RBFOX1: variants seen among roughly 807,000 people sequenced by gnomAD.
RBFOX1 encodes the protein RNA binding fox-1 homolog 1.
RBFOX1 carries 8 observed loss-of-function variants against 57.7 expected under a neutral mutation model. The observed-to-expected ratio is 0.14, with a 90% CI of 0.08 to 0.25. RBFOX1 has a LOEUF of 0.25. Among genes scored for constraint, RBFOX1 ranks in the 10% least tolerant of loss-of-function variants. The pLI is 1.00. For synonymous variants in RBFOX1, 326 were observed against 222.4 expected, an observed-to-expected ratio of 1.47 and a Z score of -4.15; for missense variants, 611 against 548.5, an observed-to-expected ratio of 1.11 and a Z score of -1.14.
chr16:6,942,831 A>G (rs1004963988), intron 3 of RBFOX1, among the ~76,000 whole-genome samples: 4 of 152,176 alleles, frequency 2.6e-5, no homozygotes, highest in Non-Finnish European at 5.9e-5. Context: ...CTGACCCTGA[A>G]CAGGTTTTGA....
chr16:7,703,357 G>A (rs1395501059), intron 14 of RBFOX1, among the ~76,000 whole-genome samples: 1 of 152,092 alleles, frequency 6.6e-6, no homozygotes. Context: ...GCTGCCATTT[G>A]GCTGTTTAGG....
At chr16:5,952,697 T>C (rs1357318839) in intron 4 of RBFOX1, among the ~76,000 whole-genome samples, 1 of 152,198 alleles carries the variant, frequency 6.6e-6, no homozygotes, top group Non-Finnish European at 1.5e-5. Context: ...TGCCGTGTGG[T>C]GTGACACAGA....
intron 3 of RBFOX1, among the ~76,000 whole-genome samples, chr16:5,653,725 C>CT (rs2049328190): frequency 6.6e-6 from 1 of 152,116 alleles, no homozygotes; most frequent in Non-Finnish European, 1.5e-5. Flanking sequence ...TCCAAAAGTG[C>CT]TTAGAGCCGC....
At chr16:6,982,209 T>C (rs1413249374) in intron 3 of RBFOX1, among the ~76,000 whole-genome samples, 1 of 152,220 alleles carries the variant, frequency 6.6e-6, no homozygotes, top group Non-Finnish European at 1.5e-5. Context: ...AGAATGGTCC[T>C]GTGGTTGGCT....
chr16:6,586,601 A>G (rs2097623963), intron 2 of RBFOX1, among the ~76,000 whole-genome samples: 1 of 152,198 alleles, frequency 6.6e-6, no homozygotes, highest in Non-Finnish European at 1.5e-5. Flanking sequence ...GTTGCCAGGA[A>G]TACTTCTTCC....
intron 4 of RBFOX1, among the ~76,000 whole-genome samples, chr16:7,210,592 CGT>C (rs1462684312): frequency 1.3e-5 from 2 of 149,896 alleles, no homozygotes; most frequent in African/African-American, 4.9e-5. Flanking sequence ...TAAGACTGAC[CGT>C]CATACTGATG....
At chr16:5,936,962 A>G (rs1334247817) in intron 4 of RBFOX1, among the ~76,000 whole-genome samples, 1 of 152,124 alleles carries the variant, frequency 6.6e-6, no homozygotes. Context: ...TTTCACTTAC[A>G]TATTTCTGCT....
intron 3 of RBFOX1, among the ~76,000 whole-genome samples, chr16:5,657,211 G>T (rs1318385820): frequency 6.6e-6 from 1 of 152,122 alleles, no homozygotes; most frequent in Non-Finnish European, 1.5e-5. Flanking sequence ...GAGAACTCTG[G>T]TTTCACTGAC....
At chr16:6,893,237 C>T (rs1464713395) in intron 3 of RBFOX1, among the ~76,000 whole-genome samples, 1 of 152,096 alleles carries the variant, frequency 6.6e-6, no homozygotes, top group African/African-American at 2.4e-5. Flanking sequence ...GTGGAGGGAA[C>T]ACAGCTTCTC....
chr16:6,581,245 A>G (rs1269841392), intron 2 of RBFOX1, among the ~76,000 whole-genome samples: 1 of 152,152 alleles, frequency 6.6e-6, no homozygotes, highest in Non-Finnish European at 1.5e-5. Flanking sequence ...GGTGATTTGC[A>G]AAGTCTGGCC....
Position 6,019,391 on chromosome 16 carries a change from C to T in RBFOX1, c.-728C>T, listed in dbSNP as rs2152346273. The T allele has an allele frequency of 2.0e-6, 2 of 986,024 alleles. No individual in the cohort carries two copies. The highest frequency in any genetic ancestry group is 2.4e-6 in the Non-Finnish European group (2 of 830,480). 61.1% of individuals were successfully genotyped at this position (986,024 alleles called of 1,614,324 possible). ...GCTGCGCTGCCCTGAAGTGGTTCTC[C>T]AAGCAGCGCGGAGGGTGGCGGACGG... is the stretch of plus-strand genomic sequence containing the variant. On this transcript the variant is annotated 5_prime_UTR_variant, in exon 1 of 16. Transcript: ENST00000550418. The surrounding 1 kb of genome is among the most constrained non-coding windows in gnomAD (Gnocchi z 4.2).
intron 2 of RBFOX1, among the ~76,000 whole-genome samples, chr16:6,650,702 A>T (rs1018452186): frequency 2.6e-5 from 4 of 152,186 alleles, no homozygotes; most frequent in South Asian, 2.1e-4. Flanking sequence ...TCACCTTATG[A>T]TATTGTCTCT....
At chr16:6,485,158 C>G (rs186773079) in intron 2 of RBFOX1, among the ~76,000 whole-genome samples, 1 of 152,186 alleles carries the variant, frequency 6.6e-6, no homozygotes, top group Non-Finnish European at 1.5e-5. Context: ...AGCTGCTTGC[C>G]ACTCAGGCTC....
chr16:6,667,953 G>A (rs2098742786), intron 3 of RBFOX1, among the ~76,000 whole-genome samples: 2 of 151,890 alleles, frequency 1.3e-5, no homozygotes, highest in African/African-American at 2.4e-5. Flanking sequence ...ATCTGCTTTC[G>A]TCCTACTCTT....
intron 4 of RBFOX1, among the ~76,000 whole-genome samples, chr16:5,927,324 C>G (rs1030989832): frequency 2.0e-5 from 3 of 152,094 alleles, no homozygotes; most frequent in African/African-American, 7.2e-5. Flanking sequence ...TGTTGAATTC[C>G]AAAATGTTGC....
At chr16:6,689,519 T>G (rs1387350598) in intron 3 of RBFOX1, among the ~76,000 whole-genome samples, 7 of 152,202 alleles carry the variant, frequency 4.6e-5, no homozygotes, top group Admixed American at 4.6e-4. Flanking sequence ...TTTTTTTATG[T>G]TTATGCAAGA....
intron 2 of RBFOX1, among the ~76,000 whole-genome samples, chr16:6,588,743 G>C (rs1196110242): frequency 3.3e-5 from 5 of 152,158 alleles, no homozygotes; most frequent in Non-Finnish European, 7.3e-5. Context: ...CCATTTTCTT[G>C]TAGAACATCT....
intron 4 of RBFOX1, among the ~76,000 whole-genome samples, chr16:7,231,346 G>C (rs572815363): frequency 6.6e-6 from 1 of 152,134 alleles, no homozygotes; most frequent in Non-Finnish European, 1.5e-5. Flanking sequence ...TCGTTCACGT[G>C]ACTAAACTGG....
At chr16:5,384,778 C>G (rs949432212) in intron 1 of RBFOX1, among the ~76,000 whole-genome samples, 11 of 152,196 alleles carry the variant, frequency 7.2e-5, no homozygotes, top group Non-Finnish European at 4.4e-5. Context: ...GCCAGCTACT[C>G]ACTAGCTGCG....
Sources: gnomAD v4.1 joint callset for allele counts (sites outside exome capture counted in the v4.1 genomes callset) on GRCh38, gnomAD v4.1.1 for gene constraint, Gnocchi (gnomAD v3.1) non-coding constraint, MANE v1.5 for transcripts, NCBI Gene and HGNC (gene_info 2026-07-23, HGNC 2026-07-21) for gene names.